ELP3: variants seen among roughly 807,000 people sequenced by gnomAD.
ELP3 encodes elongator complex protein 3.
In ELP3, 56 loss-of-function variants were observed where a neutral mutation model predicts 74.9. The observed-to-expected ratio is 0.75, with a 90% CI of 0.60 to 0.93. The LOEUF (loss-of-function observed/expected upper bound fraction) is 0.93, where lower values mean the gene tolerates loss of function less well. Among genes scored for constraint, ELP3 ranks in the 40% least tolerant of loss-of-function variants. The pLI is 0.00. For missense variants in ELP3, 573 were observed against 686.5 expected, an observed-to-expected ratio of 0.83 and a Z score of 1.85; for synonymous variants, 222 against 239.8, an observed-to-expected ratio of 0.93 and a Z score of 0.68.
intron 10 of ELP3, among the ~76,000 whole-genome samples, chr8:28,150,070 A>G (rs1296087420): frequency 6.6e-6 from 1 of 152,182 alleles, no homozygotes; most frequent in Non-Finnish European, 1.5e-5. Context: ...ATACCTTTAT[A>G]ATAACAAAAT....
At chr8:28,122,289 T>C (rs1812404095) in intron 7 of ELP3, among the ~76,000 whole-genome samples, 1 of 152,230 alleles carries the variant, frequency 6.6e-6, no homozygotes, top group Non-Finnish European at 1.5e-5. Context: ...TCGTTGTTGG[T>C]ATTAGTGTAA....
At chr8:28,131,715 C>T (rs1000137731) in intron 8 of ELP3, among the ~76,000 whole-genome samples, 2 of 152,206 alleles carry the variant, frequency 1.3e-5, no homozygotes, top group Admixed American at 1.3e-4. Flanking sequence ...CCAAATGACT[C>T]TGCCTTCTCA....
At chr8:28,168,696 A>G (rs1279924546) in intron 14 of ELP3, among the ~76,000 whole-genome samples, 1 of 152,224 alleles carries the variant, frequency 6.6e-6, no homozygotes, top group Admixed American at 6.5e-5. Context: ...GCTGTCTATC[A>G]GAAAGTCTGT....
At chr8:28,172,752 G>T (rs566837835) in intron 14 of ELP3, among the ~76,000 whole-genome samples, 7 of 152,108 alleles carry the variant, frequency 4.6e-5, no homozygotes, top group African/African-American at 1.7e-4. Flanking sequence ...TCACAATTGA[G>T]CATGATATTA....
intron 7 of ELP3, among the ~76,000 whole-genome samples, chr8:28,121,521 T>C (rs529127973): frequency 5.3e-5 from 8 of 151,934 alleles, no homozygotes; most frequent in African/African-American, 1.5e-4. Flanking sequence ...GGTTTCACCA[T>C]GTTGGCCAGG....
At chr8:28,172,859 T>C (rs1342740466) in intron 14 of ELP3, among the ~76,000 whole-genome samples, 1 of 152,100 alleles carries the variant, frequency 6.6e-6, no homozygotes, top group Admixed American at 6.5e-5. Context: ...GGGTTGTGAG[T>C]TTTGTCAAAT....
At position 28,093,192 on chromosome 8, in the gene ELP3, G is replaced by A. The variant is rs773827283; in HGVS notation, c.-23G>A. 9.9e-6 allele frequency: 16 copies of A among 1,612,478 alleles called. No homozygotes were observed. The highest frequency in any genetic ancestry group is 1.4e-5 in the Non-Finnish European group (16 of 1,179,738). ...TTGTGGCTGCATTTTTATCTCTGGT[G>A]GCTCTGCTACGGCGGCGCAGAAATG... On this transcript the variant is annotated 5_prime_UTR_variant, in exon 1 of 15. Coordinates refer to ENST00000256398, the MANE Select transcript of ELP3 (RefSeq NM_018091.6).
chr8:28,108,035 G>C (rs1239860021), intron 5 of ELP3, 59 bp downstream of exon 5: 3 of 1,410,620 alleles, frequency 2.1e-6, no homozygotes, highest in East Asian at 4.6e-5. Context: ...CCTGTAGTAT[G>C]GTTTTACCAG....
chr8:28,146,770 A>G (rs1056730833), intron 10 of ELP3, among the ~76,000 whole-genome samples: 8 of 152,316 alleles, frequency 5.3e-5, no homozygotes, highest in Admixed American at 2.6e-4. Flanking sequence ...GAAACTGGCA[A>G]TTACCACATT....
rs138901239 is a variant in ELP3 at position 28,099,845 on chromosome 8, C to G, written c.137C>G (p.Ala46Gly). The G allele has an allele frequency of 5.6e-6, 9 of 1,614,114 alleles. No individual in the cohort carries two copies. Among genetic ancestry groups the G allele is most frequent in the African/African-American group, 4.0e-5 (3 of 74,930 alleles). Residue 46 changes from alanine to glycine, a missense_variant, in exon 3 of 15, where the codon GCT (alanine) becomes GGT (glycine). Transcript: ENST00000256398. ...ACTTTCAGGGTGAAAACCAAGACAGCTGCCAAATATGGCCTTTCTGCCCAG... is the reference window on the plus strand; with the variant it reads ...ACTTTCAGGGTGAAAACCAAGACAGGTGCCAAATATGGCCTTTCTGCCCAG... ...IDLNKVKTKT[A>G]AKYGLSAQPR...
At position 28,096,162 on chromosome 8, in the gene ELP3, C is replaced by T. The variant is rs1416243695; in HGVS notation, c.20-1057C>T. On this transcript the variant is annotated intron_variant, in intron 1 of 14. Transcript: ENST00000256398. ...CTAATGCCTGATGATCTGTCACTGTCTCCCATCACCCCCAGATGGGAGTGT... is the reference window on the plus strand; with the variant it reads ...CTAATGCCTGATGATCTGTCACTGTTTCCCATCACCCCCAGATGGGAGTGT... Among the ~76,000 whole-genome samples the T allele has an allele frequency of 3.9e-5, 6 of 152,182 alleles. No homozygotes were observed. The South Asian group carries it at 1.2e-3, about 32-fold the overall frequency.
At chr8:28,129,466 C>T in intron 7 of ELP3, 36 bp from the exon 8 acceptor site, 1 of 1,611,704 alleles carries the variant, frequency 6.2e-7, no homozygotes. Flanking sequence ...GTCTTAAAAC[C>T]TGCAACAGGT....
chr8:28,094,390 C>T, intron 1 of ELP3, among the ~76,000 whole-genome samples: 1 of 152,174 alleles, frequency 6.6e-6, no homozygotes, highest in East Asian at 1.9e-4. Flanking sequence ...GATGTATTAC[C>T]CCAATTTTAC....
Position 28,093,145 on chromosome 8 carries a change from C to G in ELP3, c.-70C>G. ...ACAGGCGGGATTGTTTTGTGGCTGT[C>G]AGCTTTCCCCGTGGTCTGAGTTTGT... On this transcript the variant is annotated 5_prime_UTR_variant, in exon 1 of 15. Transcript: ENST00000256398. 1 of 1,592,198 alleles carries G rather than the reference C, an allele frequency of 6.3e-7. No individual in the cohort carries two copies. Among genetic ancestry groups the G allele is most frequent in the South Asian group, 1.1e-5 (1 of 87,968 alleles).
In ELP3 at chr8:28,101,166, C is replaced by G. The variant is rs185379152; in HGVS notation, c.258+1200C>G. Among the ~76,000 whole-genome samples, 63 of 152,052 alleles carry G rather than the reference C, an allele frequency of 4.1e-4. 2 individuals carry two copies. The East Asian group carries it at 0.01, about 25-fold the overall frequency. On this transcript the variant is annotated intron_variant, in intron 3 of 14. Coordinates refer to ENST00000256398, the MANE Select transcript of ELP3 (RefSeq NM_018091.6). ...GGCACGGTGGCTCACGCCTGTAATC[C>G]CAGCACTTTGGGAGGCCGAGGTGGG...
intron 12 of ELP3, among the ~76,000 whole-genome samples, chr8:28,159,113 G>GA (rs1269010052): frequency 3.9e-5 from 6 of 152,294 alleles, no homozygotes; most frequent in Admixed American, 6.5e-5. Flanking sequence ...CAAATGAATA[G>GA]ATCAGCCCTT....
chr8:28,140,909 G>T (rs1352251511), intron 10 of ELP3, among the ~76,000 whole-genome samples: 1 of 152,132 alleles, frequency 6.6e-6, no homozygotes, highest in African/African-American at 2.4e-5. Context: ...CAGATAAGGT[G>T]TGTTTAAACA....
In ELP3 at chr8:28,107,961, T is replaced by G. The variant is rs1301138153; in HGVS notation, c.378T>G (p.Ser126=). 1 of 1,613,866 alleles carries G rather than the reference T, an allele frequency of 6.2e-7. No individual in the cohort carries two copies. The highest frequency in any genetic ancestry group is 8.5e-7 in the Non-Finnish European group (1 of 1,179,840). ...CTGATTTTGAGTATTCCACCCAGTC[T>G]TACACTGGCTATGAGGTACAGTAAC... ...PDSDFEYSTQ[S]YTGYEPTSMR... Residue 126 remains serine, a synonymous_variant, in exon 5 of 15, where the codon TCT becomes TCG. Coordinates refer to ENST00000256398, the MANE Select transcript of ELP3 (RefSeq NM_018091.6).
chr8:28,106,715 T>C lies in ELP3; in HGVS notation c.261T>C (p.Ile87=). ...TTTTATTCATCTTTCTTTTATAGAT[T>C]GCTGTCGTGGCTGTGATGTGCAAAC... ...KAKPIRTASG[I]AVVAVMCKPH... Residue 87 remains isoleucine (I), a splice_region_variant and synonymous_variant, in exon 4 of 15, where the codon ATT becomes ATC. Transcript: ENST00000256398. 6.2e-7 allele frequency: 1 copy of C among 1,612,474 alleles called. No homozygotes were observed. The highest frequency in any genetic ancestry group is 8.5e-7 in the Non-Finnish European group (1 of 1,179,198).
Sources: gnomAD v4.1 joint callset for allele counts (sites outside exome capture counted in the v4.1 genomes callset) on GRCh38, gnomAD v4.1.1 for gene constraint, MANE v1.5 for transcripts, NCBI Gene and HGNC (gene_info 2026-07-23, HGNC 2026-07-21) for gene names.